The following BACH2 variants were observed in gnomAD, a reference collection of about 807,000 sequenced individuals.
BACH2 encodes the protein transcription regulator protein BACH2.
BACH2 carries 5 observed loss-of-function variants against 61.8 expected under a neutral mutation model. The ratio of observed to expected loss-of-function variants is 0.08; its 90% confidence interval spans 0.04 to 0.17. The LOEUF (loss-of-function observed/expected upper bound fraction) is 0.17, where lower values mean the gene tolerates loss of function less well. Ranked by LOEUF, BACH2 falls within the 10% of genes least tolerant of loss-of-function variation. BACH2 has a pLI of 1.00. For synonymous variants in BACH2, 446 were observed against 440.1 expected (o/e 1.01, Z -0.17); for missense variants, 824 against 1,091.1 (o/e 0.76, Z 3.45).
chr6:90,228,321 A>G lies in BACH2; in HGVS notation c.-274-21640T>C, dbSNP rs528259067. Among the ~76,000 whole-genome samples the G allele has an allele frequency of 5.9e-5, 9 of 152,342 alleles. No homozygotes were observed. In the South Asian group the frequency reaches 1.4e-3, roughly 25 times the overall value. ...CAGGCACATCAGCTGCTGTCTCCCA[A>G]TAGTGAGGCTGATGGTCAGCCATTT... On this transcript the variant is annotated intron_variant, in intron 3 of 8. Transcript: ENST00000257749.
At chr6:90,131,231 G>A (rs1180358879) in intron 4 of BACH2, among the ~76,000 whole-genome samples, 1 of 152,174 alleles carries the variant, frequency 6.6e-6, no homozygotes, top group Non-Finnish European at 1.5e-5. Context: ...TGAGAAACAT[G>A]AACTTTCAAT....
intron 5 of BACH2, among the ~76,000 whole-genome samples, chr6:90,009,856 G>A (rs1777613024): frequency 6.6e-6 from 1 of 152,096 alleles, no homozygotes; most frequent in South Asian, 2.1e-4. Context: ...GTACAGACGG[G>A]ATTTCACCAT....
chr6:90,009,289 T>C (rs984781187), intron 5 of BACH2, among the ~76,000 whole-genome samples: 3 of 152,240 alleles, frequency 2.0e-5, no homozygotes, highest in Admixed American at 6.5e-5. Flanking sequence ...TTGAAGTATT[T>C]GTAATGTTGT....
intron 4 of BACH2, among the ~76,000 whole-genome samples, chr6:90,190,981 T>C (rs1768549630): frequency 6.6e-6 from 1 of 152,132 alleles, no homozygotes; most frequent in Non-Finnish European, 1.5e-5. Flanking sequence ...CCATCACAAA[T>C]CAGGCCTATC....
intron 4 of BACH2, among the ~76,000 whole-genome samples, chr6:90,151,235 C>T (rs1272698572): frequency 1.3e-5 from 2 of 152,178 alleles, no homozygotes; most frequent in Non-Finnish European, 2.9e-5. Context: ...TCTTTTCCTC[C>T]TTGGAATCAT....
intron 4 of BACH2, among the ~76,000 whole-genome samples, chr6:90,189,095 A>G (rs1167477563): frequency 1.3e-5 from 2 of 152,220 alleles, no homozygotes; most frequent in African/African-American, 4.8e-5. Flanking sequence ...TTTATATTGT[A>G]TATTTACATT....
chr6:90,101,795 T>A (rs1313488217), intron 4 of BACH2, among the ~76,000 whole-genome samples: 1 of 152,248 alleles, frequency 6.6e-6, no homozygotes, highest in Non-Finnish European at 1.5e-5. Flanking sequence ...GAACATTGGA[T>A]GTCTTTCCAT....
rs775774218 is a variant in BACH2, at chr6:90,011,530, CTTTTG to C, written c.-12-2679_-12-2675del. 3.5e-4 allele frequency among the ~76,000 whole-genome samples: 53 copies of C among 152,084 alleles called. No individual in the cohort carries two copies. In the East Asian group the frequency reaches 5.0e-3, roughly 14 times the overall value. ...CTTTTACTATTTTTATGTTTGTCTACTTTTGTTTTGTTTTGTTTTGGAGACAGGGT... is the reference window on the plus strand; with the variant it reads ...CTTTTACTATTTTTATGTTTGTCTACTTTTGTTTTGTTTTGGAGACAGGGT... On this transcript the variant is annotated intron_variant, in intron 5 of 8. Coordinates refer to ENST00000257749, the MANE Select transcript of BACH2 (RefSeq NM_021813.4).
intron 4 of BACH2, among the ~76,000 whole-genome samples, chr6:90,090,822 C>T (rs1782130672): frequency 6.6e-6 from 1 of 151,912 alleles, no homozygotes. Flanking sequence ...AGTAGTGAGG[C>T]CTTGTATTTT....
chr6:90,092,291 A>AAAAAAAAAAAAAAAAAAAT lies in BACH2; in HGVS notation c.-161-3183_-161-3182insATTTTTTTTTTTTTTTTTT. 5.1e-4 allele frequency among the ~76,000 whole-genome samples: 58 copies of AAAAAAAAAAAAAAAAAAAT among 113,806 alleles called. 1 individual carries two copies. Among genetic ancestry groups the AAAAAAAAAAAAAAAAAAAT allele is most frequent in the African/African-American group, 2.0e-3 (57 of 27,878 alleles). 74.7% of individuals were successfully genotyped at this position (113,806 alleles called of 152,430 possible). ...GCACACTGTCAAAGTAAAAAAAAAA[A>AAAAAAAAAAAAAAAAAAAT]ATATATATATATATATATATATATA... On this transcript the variant is annotated intron_variant, in intron 4 of 8. Transcript: ENST00000257749.
chr6:90,076,943 T>C (rs1781496268), intron 5 of BACH2, among the ~76,000 whole-genome samples: 2 of 152,160 alleles, frequency 1.3e-5, no homozygotes, highest in Non-Finnish European at 2.9e-5. Context: ...CCATTAGCAA[T>C]AAACTTTAAA....
chr6:89,998,242 G>A (rs1026976452), intron 6 of BACH2, among the ~76,000 whole-genome samples: 28 of 151,894 alleles, frequency 1.8e-4, no homozygotes, highest in Non-Finnish European at 2.9e-4. Context: ...TTTGCTGCCA[G>A]TCAGTCAAAA....
chr6:90,173,702 T>A (rs1271907967), intron 4 of BACH2, among the ~76,000 whole-genome samples: 1 of 152,176 alleles, frequency 6.6e-6, no homozygotes, highest in East Asian at 1.9e-4. Flanking sequence ...CAAAAAAGCA[T>A]GAGGAACTTT....
intron 5 of BACH2, among the ~76,000 whole-genome samples, chr6:90,031,424 G>T (rs1474606635): frequency 6.6e-6 from 1 of 152,160 alleles, no homozygotes; most frequent in Non-Finnish European, 1.5e-5. Context: ...GTCCCTCTTT[G>T]CAGATGACAT....
chr6:90,000,725 T>C (rs556302596), intron 6 of BACH2, among the ~76,000 whole-genome samples: 1 of 152,362 alleles, frequency 6.6e-6, no homozygotes, highest in Admixed American at 6.5e-5. Context: ...AGAGCCATGA[T>C]CCGCCTATGT....
At chr6:90,236,666 A>T (rs1164625237) in intron 3 of BACH2, among the ~76,000 whole-genome samples, 1 of 152,142 alleles carries the variant, frequency 6.6e-6, no homozygotes, top group African/African-American at 2.4e-5. Flanking sequence ...CAGAAGAGAA[A>T]TGGTAAAGCC....
intron 6 of BACH2, among the ~76,000 whole-genome samples, chr6:89,955,342 A>G (rs187932942): frequency 8.5e-5 from 13 of 152,246 alleles, no homozygotes; most frequent in African/African-American, 3.1e-4. Context: ...CTAAGTAACA[A>G]TGTAAGCAAG....
rs536688115 is a variant in BACH2, at chr6:90,197,718, T to C, written c.-162+8851A>G. ...AACATGATGATGTAGGACAAGAACC[T>C]ACCAGTTCAATCAACATGCAATTAA... is the stretch of plus-strand genomic sequence containing the variant. On this transcript the variant is annotated intron_variant, in intron 4 of 8. Transcript: ENST00000257749. 1.6e-4 allele frequency among the ~76,000 whole-genome samples: 24 copies of C among 152,280 alleles called. 1 individual carries two copies. Among genetic ancestry groups the C allele is most frequent in the South Asian group, 1.2e-3 (6 of 4,820 alleles).
At position 89,931,149 on chromosome 6, in the gene BACH2, C is replaced by T. The variant is rs951536211; in HGVS notation, c.*1259G>A. 2.0e-5 allele frequency: 3 copies of T among 152,364 alleles called. No homozygotes were observed. The highest frequency in any genetic ancestry group is 7.2e-5 in the African/African-American group (3 of 41,450). The allele number at this position is 152,364 out of a possible 1,614,324, so 9.4% of individuals were successfully genotyped here. A position where few individuals can be genotyped will look rare whatever the true frequency, so the allele number is the denominator to read the frequency against. On this transcript the variant is annotated 3_prime_UTR_variant, in exon 9 of 9. Coordinates refer to ENST00000257749, the MANE Select transcript of BACH2 (RefSeq NM_021813.4). ...TACTCCCTGGGTGAAAACTTTCTAA[C>T]TTGATTTCTAGGAGCCAATGCCTGC...
Sources: allele counts gnomAD v4.1 joint callset (sites outside exome capture counted in the v4.1 genomes callset), GRCh38; gene constraint gnomAD v4.1.1; transcripts MANE v1.5; gene names NCBI Gene and HGNC (gene_info 2026-07-23, HGNC 2026-07-21).